RALYL: variants seen among roughly 807,000 people sequenced by gnomAD.
The protein encoded by RALYL is RALY RNA binding protein like.
Under a neutral mutation model 35.1 loss-of-function variants are expected in RALYL, and 29 were observed. That is an observed-to-expected ratio of 0.83 (90% CI 0.61 to 1.13). The LOEUF (loss-of-function observed/expected upper bound fraction) is 1.13. Among genes scored for constraint, RALYL ranks in the 50% most tolerant of loss-of-function variants. The pLI is 0.00. For missense variants in RALYL, 359 were observed against 360.4 expected (o/e 1.00, Z 0.03); for synonymous variants, 120 against 127.6 (o/e 0.94, Z 0.40).
intron 1 of RALYL, among the ~76,000 whole-genome samples, chr8:84,430,447 G>C (rs317943): frequency 0.059 from 8,946 of 151,880 alleles, 298 homozygotes; most frequent in Middle Eastern, 0.099. Flanking sequence ...TTTTCTCTTT[G>C]TTCAAATAGA....
At chr8:84,832,822 T>C (rs1388680312) in intron 4 of RALYL, among the ~76,000 whole-genome samples, 1 of 152,210 alleles carries the variant, frequency 6.6e-6, no homozygotes. Flanking sequence ...TGTGTTATAT[T>C]ACAACATACA....
intron 1 of RALYL, among the ~76,000 whole-genome samples, chr8:84,512,775 T>G (rs962940933): frequency 7.9e-5 from 12 of 152,220 alleles, no homozygotes; most frequent in African/African-American, 2.9e-4. Flanking sequence ...CACCATTTGT[T>G]GAAGAGGGTG....
chr8:84,487,579 T>A (rs1431654881), intron 1 of RALYL, among the ~76,000 whole-genome samples: 1 of 152,104 alleles, frequency 6.6e-6, no homozygotes, highest in African/African-American at 2.4e-5. Context: ...AGAACAAATA[T>A]GGCCTGCCAC....
chr8:84,212,657 G>C (rs184945357), intron 1 of RALYL, among the ~76,000 whole-genome samples: 95 of 152,140 alleles, frequency 6.2e-4, no homozygotes, highest in African/African-American at 2.2e-3. Context: ...GTATAAGTGA[G>C]GTAAAGCAAA....
intron 1 of RALYL, among the ~76,000 whole-genome samples, chr8:84,320,881 T>G (rs1400511704): frequency 6.6e-6 from 1 of 152,122 alleles, no homozygotes; most frequent in African/African-American, 2.4e-5. Flanking sequence ...TGAGGCTAAC[T>G]TAGGACCATC....
chr8:84,354,281 TG>T (rs36125036), intron 1 of RALYL, among the ~76,000 whole-genome samples: 1 of 150,430 alleles, frequency 6.6e-6, no homozygotes, highest in African/African-American at 2.5e-5. Context: ...AACCCAATTC[TG>T]GGATGCAACT....
At chr8:84,409,909 G>T (rs1468373025) in intron 1 of RALYL, among the ~76,000 whole-genome samples, 1 of 151,828 alleles carries the variant, frequency 6.6e-6, no homozygotes. Flanking sequence ...ATGGCTCTAT[G>T]ATGTTGTAGA....
At chr8:84,230,857 C>A (rs2131424216) in intron 1 of RALYL, among the ~76,000 whole-genome samples, 1 of 152,312 alleles carries the variant, frequency 6.6e-6, no homozygotes, top group Non-Finnish European at 1.5e-5. Context: ...TCAAGTCAAG[C>A]AATCATTAAA....
chr8:84,606,648 A>G (rs906391839), intron 2 of RALYL, among the ~76,000 whole-genome samples: 3 of 152,146 alleles, frequency 2.0e-5, no homozygotes, highest in Admixed American at 6.6e-5. Context: ...CGTAATTCAA[A>G]TATGGCTGGT....
intron 1 of RALYL, among the ~76,000 whole-genome samples, chr8:84,242,091 G>T (rs1266248632): frequency 6.6e-6 from 1 of 152,162 alleles, no homozygotes; most frequent in South Asian, 2.1e-4. Context: ...TTACAAGTGA[G>T]AACATACAGT....
intron 4 of RALYL, among the ~76,000 whole-genome samples, chr8:84,833,886 T>G (rs191782486): frequency 1.3e-5 from 2 of 151,508 alleles, no homozygotes; most frequent in East Asian, 3.9e-4. Flanking sequence ...TGTAAAGCAT[T>G]TAGAATAGTG....
Position 84,815,468 on chromosome 8 carries a change from ATAT to A in RALYL, c.365+10673_365+10675del, listed in dbSNP as rs908796520. On this transcript the variant is annotated intron_variant, in intron 4 of 8. Coordinates refer to ENST00000521268, the MANE Select transcript of RALYL (RefSeq NM_173848.7). The stretch of plus-strand genomic sequence containing the variant: ...TATAAATACATAATACTGAATGTTT[ATAT>A]TATTATAAATAAAATATATTTATAA... 3.5e-3 allele frequency among the ~76,000 whole-genome samples: 525 copies of A among 148,164 alleles called. 2 individuals are homozygous for A. Among genetic ancestry groups the A allele is most frequent in the Middle Eastern group, 0.025 (7 of 280 alleles).
intron 2 of RALYL, among the ~76,000 whole-genome samples, chr8:84,705,721 A>G (rs1042224132): frequency 6.6e-6 from 1 of 152,194 alleles, no homozygotes. Flanking sequence ...TCTTAATCCA[A>G]CATTGCTTCA....
rs141489213 is a variant in RALYL, at chr8:84,690,851, C to G, written c.257-83728C>G. ...AATTCTAAAGCTGGATTATGAGGAC[C>G]CAGATTTTGGAGATATTGGTGATAT... On this transcript the variant is annotated intron_variant, in intron 2 of 8. Coordinates refer to ENST00000521268, the MANE Select transcript of RALYL (RefSeq NM_173848.7). 4.0e-3 allele frequency among the ~76,000 whole-genome samples: 601 copies of G among 151,680 alleles called. 6 individuals are homozygous for G. The highest frequency in any genetic ancestry group is 0.013 in the African/African-American group (551 of 41,392).
At chr8:84,183,007 G>T (rs985523794), upstream of RALYL, 8 of 152,738 alleles carry the variant, frequency 5.2e-5, no homozygotes, top group African/African-American at 1.9e-4. Context: ...ACAACTTTGA[G>T]GTGAGCAGCA....
At chr8:84,782,652 C>T (rs1818455732) in intron 3 of RALYL, among the ~76,000 whole-genome samples, 1 of 152,182 alleles carries the variant, frequency 6.6e-6, no homozygotes, top group Admixed American at 6.5e-5. Context: ...ATCTTTTATG[C>T]TATATTCTCC....
At chr8:84,504,795 C>A (rs998985263) in intron 1 of RALYL, among the ~76,000 whole-genome samples, 8 of 152,110 alleles carry the variant, frequency 5.3e-5, no homozygotes, top group African/African-American at 1.9e-4. Context: ...CCAAGTAAAG[C>A]TATATTAAAT....
intron 2 of RALYL, among the ~76,000 whole-genome samples, chr8:84,550,161 A>AG (rs1049289332): frequency 1.3e-5 from 2 of 152,018 alleles, no homozygotes; most frequent in Non-Finnish European, 2.9e-5. Flanking sequence ...ATATTAATTG[A>AG]GAGCAAACAT....
At chr8:84,436,062 C>A (rs903261568) in intron 1 of RALYL, among the ~76,000 whole-genome samples, 1 of 152,082 alleles carries the variant, frequency 6.6e-6, no homozygotes. Context: ...TTCATGTAAC[C>A]AAACATCACC....
Sources: gnomAD v4.1 joint callset for allele counts (sites outside exome capture counted in the v4.1 genomes callset) on GRCh38, gnomAD v4.1.1 for gene constraint, MANE v1.5 for transcripts, NCBI Gene and HGNC (gene_info 2026-07-23, HGNC 2026-07-21) for gene names.